The following ABLIM1 variants were observed in gnomAD, a reference collection of about 807,000 sequenced individuals.
ABLIM1 encodes the protein actin-binding LIM protein 1.
In ABLIM1, 40 loss-of-function variants were observed where a neutral mutation model predicts 107.0. The observed-to-expected ratio is 0.37, with a 90% CI of 0.29 to 0.49. The LOEUF is 0.49. ABLIM1 is among the 20% of genes least tolerant of loss of function. The pLI is 0.97. For synonymous variants in ABLIM1, 357 were observed against 357.3 expected, an observed-to-expected ratio of 1.00 and a Z score of 0.01; for missense variants, 857 against 1,008.5, an observed-to-expected ratio of 0.85 and a Z score of 2.04.
chr10:114,570,740 T>C (rs1330779536), intron 4 of ABLIM1, among the ~76,000 whole-genome samples: 2 of 151,386 alleles, frequency 1.3e-5, no homozygotes, highest in African/African-American at 4.9e-5. Context: ...TCCCAAGTGG[T>C]TGGGACTACA....
At chr10:114,596,767 T>G (rs1203891044) in intron 2 of ABLIM1, among the ~76,000 whole-genome samples, 1 of 152,224 alleles carries the variant, frequency 6.6e-6, no homozygotes, top group Non-Finnish European at 1.5e-5. Context: ...AAATGTTCAG[T>G]GTCCCCTTTC....
At chr10:114,761,302 C>G (rs2082740684) in intron 1 of ABLIM1, among the ~76,000 whole-genome samples, 1 of 150,912 alleles carries the variant, frequency 6.6e-6, no homozygotes, top group Admixed American at 6.6e-5. Flanking sequence ...TTCCTATTGT[C>G]CCTCCGCCCA....
chr10:114,468,151 A>T, intron 11 of ABLIM1, 30 bp downstream of exon 11: 1 of 1,602,444 alleles, frequency 6.2e-7, no homozygotes, highest in South Asian at 1.1e-5. Context: ...AATTCCACCC[A>T]TTAAAATGAT....
intron 1 of ABLIM1, among the ~76,000 whole-genome samples, chr10:114,654,816 T>G (rs568534308): frequency 6.6e-6 from 1 of 152,310 alleles, no homozygotes; most frequent in South Asian, 2.1e-4. Context: ...TCCCATACTG[T>G]GCAAGGGGTT....
At chr10:114,740,141 C>G (rs915508531) in intron 1 of ABLIM1, among the ~76,000 whole-genome samples, 13 of 152,252 alleles carry the variant, frequency 8.5e-5, no homozygotes, top group Admixed American at 3.9e-4. Context: ...TGGAGAGTCT[C>G]TTACAATACA....
the ABLIM1 span, among the ~76,000 whole-genome samples, chr10:114,787,741 TCC>T: frequency 9.6e-4 from 120 of 125,588 alleles, no homozygotes; most frequent in Non-Finnish European, 1.4e-3. Context: ...AGCCGCCCCG[TCC>T]GGGAGGTGAG....
chr10:114,750,385 A>C (rs1391085792), intron 1 of ABLIM1, among the ~76,000 whole-genome samples: 1 of 152,244 alleles, frequency 6.6e-6, no homozygotes, highest in Non-Finnish European at 1.5e-5. Context: ...ACAAGTATTC[A>C]TATAAGAATA....
intron 1 of ABLIM1, among the ~76,000 whole-genome samples, chr10:114,607,120 T>C (rs2076470605): frequency 6.6e-6 from 1 of 152,230 alleles, no homozygotes; most frequent in East Asian, 1.9e-4. Flanking sequence ...TGGAATGCAG[T>C]GGTGCGATCT....
At chr10:114,484,568 A>G (rs1465627729) in intron 8 of ABLIM1, among the ~76,000 whole-genome samples, 1 of 151,132 alleles carries the variant, frequency 6.6e-6, no homozygotes, top group African/African-American at 2.5e-5. Flanking sequence ...TTTTTAGTGG[A>G]GACGGGGTTT....
rs2072736874 is a variant in ABLIM1 at position 114,577,416 on chromosome 10, A to G, written c.380-1817T>C. ...GGTAATTCCCTAAATTCTCTCCTCC[A>G]GTCAGCTATGGCTTAAAAATGCAGA... On this transcript the variant is annotated intron_variant, in intron 2 of 22. Transcript: ENST00000533213. 2.0e-5 allele frequency among the ~76,000 whole-genome samples: 3 copies of G among 152,320 alleles called. No homozygotes were observed. In the South Asian group the frequency reaches 6.2e-4, roughly 32 times the overall value.
upstream of ABLIM1, among the ~76,000 whole-genome samples, chr10:114,660,061 G>A (rs2079722515): frequency 6.6e-6 from 1 of 152,182 alleles, no homozygotes; most frequent in Admixed American, 6.5e-5. Flanking sequence ...GCTGTCTAGA[G>A]GCACTCAGAC....
intron 6 of ABLIM1, 84 bp downstream of exon 6, chr10:114,544,921 G>A: frequency 1.6e-6 from 2 of 1,237,646 alleles, no homozygotes; most frequent in Non-Finnish European, 2.4e-6. Flanking sequence ...GATGGAGGAG[G>A]TGGGAAAGGG....
intron 1 of ABLIM1, among the ~76,000 whole-genome samples, chr10:114,636,185 G>A (rs1017750533): frequency 2.0e-5 from 3 of 152,184 alleles, no homozygotes; most frequent in Non-Finnish European, 2.9e-5. Flanking sequence ...GGTACGTAAT[G>A]ACGGGTCAAG....
the ABLIM1 span, among the ~76,000 whole-genome samples, chr10:114,784,329 G>C: frequency 6.7e-6 from 1 of 148,492 alleles, no homozygotes; most frequent in East Asian, 2.0e-4. Flanking sequence ...CTGGGCAACA[G>C]AGCAAGACTC....
chr10:114,490,516 T>C (rs889355919), intron 7 of ABLIM1, among the ~76,000 whole-genome samples: 3 of 152,214 alleles, frequency 2.0e-5, no homozygotes, highest in Admixed American at 2.0e-4. Context: ...AGAAATGACA[T>C]GCACAGGTAG....
At chr10:114,522,176 C>T (rs1284179450) in intron 6 of ABLIM1, among the ~76,000 whole-genome samples, 1 of 152,076 alleles carries the variant, frequency 6.6e-6, no homozygotes, top group African/African-American at 2.4e-5. Flanking sequence ...CTGCATAAGC[C>T]AGGAGAAGAT....
intron 1 of ABLIM1, among the ~76,000 whole-genome samples, chr10:114,645,083 A>T (rs538948615): frequency 6.6e-6 from 1 of 152,348 alleles, no homozygotes; most frequent in South Asian, 2.1e-4. Flanking sequence ...GGGAATGTTT[A>T]CCAAAATAAT....
intron 1 of ABLIM1, among the ~76,000 whole-genome samples, chr10:114,620,943 C>T (rs1298928611): frequency 6.6e-6 from 1 of 152,122 alleles, no homozygotes; most frequent in Non-Finnish European, 1.5e-5. Context: ...GCCTGATTCT[C>T]GGGGCATCCA....
At chr10:114,769,407 A>G (rs1417689599), upstream of ABLIM1, among the ~76,000 whole-genome samples, 1 of 127,152 alleles carries the variant, frequency 7.9e-6, no homozygotes, top group African/African-American at 3.2e-5. Context: ...GAAAAGAAAG[A>G]AAGAAAGAAA....
Sources: gnomAD v4.1 joint callset for allele counts (sites outside exome capture counted in the v4.1 genomes callset) on GRCh38, gnomAD v4.1.1 for gene constraint, MANE v1.5 for transcripts, NCBI Gene and HGNC (gene_info 2026-07-23, HGNC 2026-07-21) for gene names.